SYNPR: variants seen among roughly 807,000 people sequenced by gnomAD.
SYNPR encodes synaptoporin.
A neutral mutation model predicts 32.9 loss-of-function variants in SYNPR; 23 were observed. That is an observed-to-expected ratio of 0.70 (90% CI 0.50 to 0.99). SYNPR has a LOEUF of 0.99. SYNPR is among the 50% of genes least tolerant of loss of function. The pLI is 0.00. For missense variants in SYNPR, 318 were observed against 349.3 expected (o/e 0.91, Z 0.71); for synonymous variants, 146 against 135.9 (o/e 1.07, Z -0.52).
chr3:63,226,970 T>G (rs942110354), upstream of SYNPR, among the ~76,000 whole-genome samples: 1 of 152,128 alleles, frequency 6.6e-6, no homozygotes, highest in African/African-American at 2.4e-5. Context: ...AATACTCACA[T>G]GTACTTCATA....
At chr3:63,580,071 C>T (rs1178783839) in intron 4 of SYNPR, among the ~76,000 whole-genome samples, 1 of 152,056 alleles carries the variant, frequency 6.6e-6, no homozygotes, top group African/African-American at 2.4e-5. Flanking sequence ...TCCTCGCAGC[C>T]ATTTCATATT....
intron 1 of SYNPR, among the ~76,000 whole-genome samples, chr3:63,244,762 C>T (rs2086272465): frequency 6.6e-6 from 1 of 152,058 alleles, no homozygotes; most frequent in Admixed American, 6.6e-5. Flanking sequence ...CTTAAATCTG[C>T]TATGCCTAGA....
chr3:63,557,914 ACT>A (rs1702621386), intron 4 of SYNPR, among the ~76,000 whole-genome samples: 1 of 152,124 alleles, frequency 6.6e-6, no homozygotes, highest in Non-Finnish European at 1.5e-5. Flanking sequence ...CCCCACCAAA[ACT>A]CATGTTGAAA....
chr3:63,309,135 T>C (rs1250213021), intron 2 of SYNPR, among the ~76,000 whole-genome samples: 1 of 152,060 alleles, frequency 6.6e-6, no homozygotes, highest in Non-Finnish European at 1.5e-5. Flanking sequence ...TTATTAATTC[T>C]ACCAAATCTA....
chr3:63,574,142 A>G (rs1044647881), intron 4 of SYNPR, among the ~76,000 whole-genome samples: 1 of 152,196 alleles, frequency 6.6e-6, no homozygotes, highest in Admixed American at 6.6e-5. Flanking sequence ...CTACTAGAAA[A>G]TCTGCCCTGT....
At position 63,278,631 on chromosome 3, in the gene SYNPR, C is replaced by T. The variant is rs543118488; in HGVS notation, c.19-46C>T. 1.9e-6 allele frequency: 3 copies of T among 1,550,974 alleles called. No homozygotes were observed. The Admixed American group carries it at 5.9e-5, about 30-fold the overall frequency. On this transcript the variant is annotated intron_variant, in intron 1 of 5. Coordinates refer to ENST00000478300, the MANE Select transcript of SYNPR (RefSeq NM_001130003.2). The stretch of plus-strand genomic sequence containing the variant: ...CGGCTTGGGAGAGGCGCCCCCAGCC[C>T]CTTCCTCACGCTTTGCTTTCTCTCT...
At chr3:63,347,790 C>A (rs1371191858) in intron 2 of SYNPR, among the ~76,000 whole-genome samples, 1 of 151,864 alleles carries the variant, frequency 6.6e-6, no homozygotes, top group East Asian at 1.9e-4. Context: ...CATGTTGCTG[C>A]AAAAGACATG....
At chr3:63,502,518 T>G (rs1215480017) in intron 3 of SYNPR, among the ~76,000 whole-genome samples, 1 of 152,180 alleles carries the variant, frequency 6.6e-6, no homozygotes, top group Non-Finnish European at 1.5e-5. Context: ...GTATTTTCAC[T>G]GCTCTGAAAA....
chr3:63,277,237 A>G (rs534309058), upstream of SYNPR, among the ~76,000 whole-genome samples: 24 of 152,244 alleles, frequency 1.6e-4, no homozygotes, highest in Non-Finnish European at 3.4e-4. Context: ...CATCTCTAAA[A>G]TGGGAATAAT....
At chr3:63,389,608 C>A (rs1197904351) in intron 2 of SYNPR, among the ~76,000 whole-genome samples, 1 of 152,022 alleles carries the variant, frequency 6.6e-6, no homozygotes, top group Non-Finnish European at 1.5e-5. Flanking sequence ...ATGTGCCCAC[C>A]CTGAAGCTGA....
rs71126590 is a variant in SYNPR, at chr3:63,265,241, C to CTTTTTTTTTTTT, written n.155-2061_155-2050dup. ...TGGCAATTTGGTTTCTAATGACATT[C>CTTTTTTTTTTTT]TTTTTTTTTTTTTTTTTTTTTTTTT... is the stretch of plus-strand genomic sequence containing the variant. On this transcript the variant is annotated intron_variant and non_coding_transcript_variant, in intron 2 of 4. Coordinates refer to the SYNPR transcript ENST00000478456. Among the ~76,000 whole-genome samples, 624 of 102,098 alleles carry CTTTTTTTTTTTT rather than the reference C, an allele frequency of 6.1e-3. 91 individuals are homozygous for CTTTTTTTTTTTT. Among genetic ancestry groups the CTTTTTTTTTTTT allele is most frequent in the East Asian group, 0.016 (41 of 2,494 alleles). The allele number at this position is 102,098 out of a possible 152,430, so 67.0% of individuals were successfully genotyped here.
chr3:63,295,025 TCTGA>T (rs1157513683), intron 2 of SYNPR, among the ~76,000 whole-genome samples: 6 of 152,180 alleles, frequency 3.9e-5, no homozygotes, highest in Non-Finnish European at 8.8e-5. Flanking sequence ...CTGAGGCATA[TCTGA>T]CTTTTAGACT....
chr3:63,230,209 A>AAT, intron 1 of SYNPR, among the ~76,000 whole-genome samples: 1 of 152,310 alleles, frequency 6.6e-6, no homozygotes, highest in East Asian at 1.9e-4. Flanking sequence ...AATGAAATTT[A>AAT]ATATATATCT....
the SYNPR span, among the ~76,000 whole-genome samples, chr3:63,218,857 G>A: frequency 6.6e-6 from 1 of 152,168 alleles, no homozygotes; most frequent in Non-Finnish European, 1.5e-5. Flanking sequence ...AAACAAGTGT[G>A]AGTATTGCTG....
intron 4 of SYNPR, among the ~76,000 whole-genome samples, chr3:63,583,403 T>A (rs1275832837): frequency 2.0e-5 from 3 of 152,096 alleles, no homozygotes; most frequent in African/African-American, 4.8e-5. Flanking sequence ...TTATAAAATA[T>A]AAGGTTATAA....
chr3:63,247,608 G>C (rs750938244), intron 1 of SYNPR, among the ~76,000 whole-genome samples: 1 of 152,176 alleles, frequency 6.6e-6, no homozygotes, highest in East Asian at 1.9e-4. Flanking sequence ...TCCCCAAATT[G>C]TTGGCTTGAG....
chr3:63,203,935 G>A, the SYNPR span, among the ~76,000 whole-genome samples: 1 of 152,140 alleles, frequency 6.6e-6, no homozygotes, highest in African/African-American at 2.4e-5. Flanking sequence ...GAAGGCAGAG[G>A]TTGCAGTAAG....
At chr3:63,403,396 A>T (rs1199470619) in intron 2 of SYNPR, among the ~76,000 whole-genome samples, 1 of 151,388 alleles carries the variant, frequency 6.6e-6, no homozygotes, top group Non-Finnish European at 1.5e-5. Context: ...ATGTACATAC[A>T]TATATATACA....
Position 63,405,992 on chromosome 3 carries a change from A to G in SYNPR, c.85-74840A>G, listed in dbSNP as rs545884137. On this transcript the variant is annotated intron_variant, in intron 2 of 5. Coordinates refer to ENST00000478300, the MANE Select transcript of SYNPR (RefSeq NM_001130003.2). ...ACACCACCTGGAGATGGGTATATTCAGTTTATTCTTACTGTCCTGTAGAGA... is the reference window on the plus strand; with the variant it reads ...ACACCACCTGGAGATGGGTATATTCGGTTTATTCTTACTGTCCTGTAGAGA... Among the ~76,000 whole-genome samples, 3 of 152,214 alleles carry G rather than the reference A, an allele frequency of 2.0e-5. No homozygotes were observed. In the South Asian group the frequency reaches 6.2e-4, roughly 32 times the overall value.
Sources: gnomAD v4.1 joint callset for allele counts (sites outside exome capture counted in the v4.1 genomes callset) on GRCh38, gnomAD v4.1.1 for gene constraint, MANE v1.5 for transcripts, NCBI Gene and HGNC (gene_info 2026-07-23, HGNC 2026-07-21) for gene names.